Variants in CTDP1 observed in about 807,000 individuals in gnomAD.
The protein encoded by CTDP1 is RNA polymerase II subunit A C-terminal domain phosphatase.
In CTDP1, 47 loss-of-function variants were observed where a neutral mutation model predicts 91.8. The ratio of observed to expected loss-of-function variants is 0.51; its 90% CI spans 0.41 to 0.65. The LOEUF is 0.65. CTDP1 is among the 30% of genes least tolerant of loss of function. The pLI is 0.00. For missense variants in CTDP1, 1,272 were observed against 1,373.7 expected, an observed-to-expected ratio of 0.93 and a Z score of 1.17; for synonymous variants, 656 against 598.5, an observed-to-expected ratio of 1.10 and a Z score of -1.40.
At chr18:79,751,307 G>A (rs1568224191) in intron 12 of CTDP1, among the ~76,000 whole-genome samples, 1 of 150,206 alleles carries the variant, frequency 6.7e-6, no homozygotes, top group African/African-American at 2.5e-5. Context: ...GCACACAGAG[G>A]GCAGGCCAGG....
In CTDP1 at chr18:79,696,086, G is replaced by T; in HGVS notation, c.492+16G>T. 6.2e-7 allele frequency: 1 copy of T among 1,607,238 alleles called. No individual in the cohort carries two copies. The highest frequency in any genetic ancestry group is 8.5e-7 in the Non-Finnish European group (1 of 1,178,596). ...GAGCTCCGAGGTGAGCCGGGCATCA[G>T]TGGCGGCGTGTTGGGGAAGCGTGGT... On this transcript the variant is annotated intron_variant, in intron 3 of 12. Transcript: ENST00000613122.
chr18:79,725,593 T>TA (rs1357046716), intron 10 of CTDP1, among the ~76,000 whole-genome samples: 1 of 151,948 alleles, frequency 6.6e-6, no homozygotes, highest in Non-Finnish European at 1.5e-5. Flanking sequence ...GATTATTTCT[T>TA]ATGACTTTTG....
chr18:79,747,682 C>T (rs11081558), intron 12 of CTDP1, among the ~76,000 whole-genome samples: 25,465 of 152,266 alleles, frequency 0.17, 2,461 homozygotes, highest in Non-Finnish European at 0.22. Context: ...ATCCGCCATG[C>T]GCAGCGCCTC....
At chr18:79,729,291 A>T (rs546412672) in intron 11 of CTDP1, among the ~76,000 whole-genome samples, 2 of 152,350 alleles carry the variant, frequency 1.3e-5, no homozygotes, top group African/African-American at 4.8e-5. Context: ...AGTGTGTGGC[A>T]TGAGAACACG....
chr18:79,677,435 G>C (rs969720913), upstream of CTDP1: 2 of 152,330 alleles, frequency 1.3e-5, no homozygotes, highest in African/African-American at 4.8e-5. Flanking sequence ...CAGAGGTGAG[G>C]CCTGCAAACA....
intron 1 of CTDP1, 77 bp downstream of exon 1, chr18:79,680,338 G>A: frequency 8.6e-7 from 1 of 1,168,208 alleles, no homozygotes; most frequent in South Asian, 3.8e-5. Context: ...GGGCTGCTGC[G>A]TCCGCGGTGG....
In CTDP1 at chr18:79,715,618, C is replaced by T. The variant is rs975088687; in HGVS notation, c.2068+90C>T. 52 of 1,272,388 alleles carry T rather than the reference C, an allele frequency of 4.1e-5. 1 individual carries two copies. The highest frequency in any genetic ancestry group is 5.4e-5 in the Non-Finnish European group (50 of 930,026). The allele number at this position is 1,272,388 out of a possible 1,614,324, so 78.8% of individuals were successfully genotyped here. On this transcript the variant is annotated intron_variant, in intron 8 of 12. Transcript: ENST00000613122. Reference sequence around the variant, plus strand: ...AGAGTTGGCATTGCTGTTTATCTCACTTTCAATTTTCAGAAACATTTCCCA... The same window carrying T: ...AGAGTTGGCATTGCTGTTTATCTCATTTTCAATTTTCAGAAACATTTCCCA...
chr18:79,695,227 C>A lies in CTDP1; in HGVS notation c.317C>A (p.Ala106Glu). 1.2e-6 allele frequency: 2 copies of A among 1,613,898 alleles called. No homozygotes were observed. The highest frequency in any genetic ancestry group is 1.7e-6 in the Non-Finnish European group (2 of 1,179,912). Residue 106 changes from alanine to glutamate, a missense_variant and splice_region_variant, in exon 2 of 13, where the codon GCG (alanine) becomes GAG (glutamate). Ala to Glu is a moderately radical substitution (Grantham distance 107). Coordinates refer to ENST00000613122, the MANE Select transcript of CTDP1 (RefSeq NM_004715.5). Reference protein sequence around the residue: ...AQPGQVVAPGAVLVRLEGCSH... With the variant: ...AQPGQVVAPGEVLVRLEGCSH... ...GTTCCCCTTGTGTTTTTTTGTAGAGCGGTTCTGGTGAGGTTGGAAGGATGC... is the reference window on the plus strand; with the variant it reads ...GTTCCCCTTGTGTTTTTTTGTAGAGAGGTTCTGGTGAGGTTGGAAGGATGC...
chr18:79,716,426 C>G lies in CTDP1; in HGVS notation c.2068+898C>G, dbSNP rs149621421. Among the ~76,000 whole-genome samples the G allele has an allele frequency of 9.2e-5, 14 of 152,364 alleles. No individual in the cohort carries two copies. In the East Asian group the frequency reaches 2.7e-3, roughly 29 times the overall value. On this transcript the variant is annotated intron_variant, in intron 8 of 12. Transcript: ENST00000613122. ...ATCAAGGGTAAATGGAAGGTTCCAT[C>G]TCAGTGTGAAATAGCCAGGTGCTAG... is the stretch of plus-strand genomic sequence containing the variant.
chr18:79,745,098 G>A (rs114443414), intron 12 of CTDP1, among the ~76,000 whole-genome samples: 585 of 152,282 alleles, frequency 3.8e-3, no homozygotes, highest in African/African-American at 0.013. Context: ...GGTGCTCCTG[G>A]GATTAGGAGG....
intron 1 of CTDP1, among the ~76,000 whole-genome samples, chr18:79,692,736 A>G (rs1049238142): frequency 2.0e-5 from 3 of 146,616 alleles, no homozygotes; most frequent in Non-Finnish European, 3.0e-5. Flanking sequence ...AGAGCAAGGA[A>G]CCCGCCGTGA....
intron 1 of CTDP1, chr18:79,681,413 A>G (rs1471693965): frequency 4.1e-6 from 4 of 972,034 alleles, no homozygotes; most frequent in Non-Finnish European, 3.7e-6. Context: ...GCAGATCCCA[A>G]TGCTGGTGTA....
intron 1 of CTDP1, among the ~76,000 whole-genome samples, chr18:79,688,124 C>T (rs1454505244): frequency 3.3e-5 from 5 of 152,264 alleles, no homozygotes; most frequent in African/African-American, 1.2e-4. Flanking sequence ...TCCAGGATGG[C>T]TGCGTCTGGG....
intron 1 of CTDP1, among the ~76,000 whole-genome samples, chr18:79,694,996 G>T (rs2085718397): frequency 6.6e-6 from 1 of 152,198 alleles, no homozygotes; most frequent in Non-Finnish European, 1.5e-5. Flanking sequence ...CACGGGGGTG[G>T]TGAGGTGTGG....
rs1568219157 is a variant in CTDP1 at position 79,745,246 on chromosome 18, A to ATGCGCGTTCTGTCCCTGCGTCCCTCCCG, written c.2748-8337_2748-8310dup. On this transcript the variant is annotated intron_variant, in intron 12 of 12. Transcript: ENST00000613122. ...TTTGACTGGATTGTGCGTCCCTCCC[A>ATGCGCGTTCTGTCCCTGCGTCCCTCCCG]TGCGCGTTCTGTCCCTGCGTCCCTC... Among the ~76,000 whole-genome samples, 477 of 98,576 alleles carry ATGCGCGTTCTGTCCCTGCGTCCCTCCCG rather than the reference A, an allele frequency of 4.8e-3. 1 individual carries two copies. Among genetic ancestry groups the ATGCGCGTTCTGTCCCTGCGTCCCTCCCG allele is most frequent in the Middle Eastern group, 0.013 (2 of 156 alleles). The allele number at this position is 98,576 out of a possible 152,430, so 64.7% of individuals were successfully genotyped here. A position where few individuals can be genotyped will look rare whatever the true frequency, so the allele number is the denominator to read the frequency against.
intron 2 of CTDP1, 118 bp downstream of exon 2, chr18:79,695,426 C>T: frequency 1.2e-6 from 1 of 859,770 alleles, no homozygotes; most frequent in East Asian, 2.5e-5. Context: ...GCGGCAGATG[C>T]AGACGCCTCC....
intron 12 of CTDP1, among the ~76,000 whole-genome samples, chr18:79,740,256 C>T (rs966488185): frequency 3.2e-4 from 49 of 152,324 alleles, no homozygotes; most frequent in African/African-American, 1.2e-3. Flanking sequence ...TTGCGGATCG[C>T]TGTGGACGTG....
intron 10 of CTDP1, among the ~76,000 whole-genome samples, chr18:79,721,636 C>T (rs1330581228): frequency 6.6e-5 from 10 of 152,124 alleles, no homozygotes; most frequent in South Asian, 2.1e-4. Context: ...CACTGTAGTC[C>T]CAGTGCTTTG....
Position 79,753,849 on chromosome 18 carries a change from C to T in CTDP1, c.*59C>T. On this transcript the variant is annotated 3_prime_UTR_variant, in exon 13 of 13. Transcript: ENST00000613122. ...GACCTCCAGCAGCACTCGGACGTCC[C>T]CGGACCAGCCCTCAGTCTCGGTCCA... 1.9e-6 allele frequency: 3 copies of T among 1,581,202 alleles called. No homozygotes were observed. Among genetic ancestry groups the T allele is most frequent in the East Asian group, 4.6e-5 (2 of 43,270 alleles).
Sources: gnomAD v4.1 joint callset for allele counts (sites outside exome capture counted in the v4.1 genomes callset) on GRCh38, gnomAD v4.1.1 for gene constraint, MANE v1.5 for transcripts, NCBI Gene and HGNC (gene_info 2026-07-23, HGNC 2026-07-21) for gene names.